The following ZRANB1 variants were observed in gnomAD, a reference collection of about 807,000 sequenced individuals.
ZRANB1 encodes the protein zinc finger RANBP2-type containing 1.
A neutral mutation model predicts 80.5 loss-of-function variants in ZRANB1; 16 were observed. The ratio of observed to expected loss-of-function variants is 0.20; its 90% CI spans 0.13 to 0.30. ZRANB1 has a LOEUF of 0.30. ZRANB1 is among the 10% of genes least tolerant of loss of function. The pLI, the probability that ZRANB1 is intolerant of heterozygous loss-of-function variation, is 1.00. For missense variants in ZRANB1, 576 were observed against 862.6 expected (o/e 0.67, Z 4.16); for synonymous variants, 291 against 293.1 (o/e 0.99, Z 0.07).
At chr10:124,966,899 C>T in intron 2 of ZRANB1, 118 bp downstream of exon 2, 1 of 944,954 alleles carries the variant, frequency 1.1e-6, no homozygotes, top group South Asian at 1.8e-5. Flanking sequence ...AATTCTTTTA[C>T]CCCCTTTTAA....
intron 8 of ZRANB1, 32 bp from the exon 9 acceptor site, chr10:124,984,742 A>G: frequency 1.2e-6 from 2 of 1,603,420 alleles, no homozygotes; most frequent in Non-Finnish European, 1.7e-6. Flanking sequence ...CTGTTGTATG[A>G]TTTTCCCTTT....
chr10:124,932,444 C>T, the ZRANB1 span, among the ~76,000 whole-genome samples: 5 of 152,188 alleles, frequency 3.3e-5, no homozygotes, highest in African/African-American at 9.6e-5. Flanking sequence ...TACCCGCCAC[C>T]GCACCTGGCT....
At chr10:124,954,933 T>C (rs1951676942) in intron 1 of ZRANB1, among the ~76,000 whole-genome samples, 1 of 149,694 alleles carries the variant, frequency 6.7e-6, no homozygotes, top group Non-Finnish European at 1.5e-5. Context: ...ATCGAGACCA[T>C]CCTGGCTAAC....
chr10:124,967,663 T>A (rs1391394196), intron 2 of ZRANB1, among the ~76,000 whole-genome samples: 3 of 151,914 alleles, frequency 2.0e-5, no homozygotes, highest in African/African-American at 7.3e-5. Context: ...GGCAGAAGGG[T>A]AGCCATAGAA....
the ZRANB1 span, among the ~76,000 whole-genome samples, chr10:124,923,116 G>A: frequency 2.0e-5 from 3 of 151,956 alleles, no homozygotes; most frequent in Non-Finnish European, 2.9e-5. Flanking sequence ...GTGAAACCTC[G>A]TCTCTACTAA....
intron 8 of ZRANB1, chr10:124,984,552 T>C (rs546193481): frequency 1.9e-6 from 1 of 534,608 alleles, no homozygotes; most frequent in South Asian, 2.9e-5. Context: ...TGCTCCTCTT[T>C]AGTTTTTTTC....
rs1183378406 is a variant in ZRANB1, at chr10:124,960,807, A to G, written c.815-5787A>G. Among the ~76,000 whole-genome samples the G allele has an allele frequency of 2.6e-5, 4 of 152,178 alleles. No homozygotes were observed. In the East Asian group the frequency reaches 7.7e-4, roughly 29 times the overall value. The stretch of plus-strand genomic sequence containing the variant: ...TTCAGTTTCTCTCGGCCTACCTGAG[A>G]TATAGTGTAATTATAAAAATCTAAA... On this transcript the variant is annotated intron_variant, in intron 1 of 8. Transcript: ENST00000359653.
rs375237034 is a variant in ZRANB1 at position 124,952,684 on chromosome 10, C to T, written c.814+9377C>T. On this transcript the variant is annotated intron_variant, in intron 1 of 8. Coordinates refer to ENST00000359653, the MANE Select transcript of ZRANB1 (RefSeq NM_017580.3). ...GGAGTGTAATGGCGTGGTCTTGGCT[C>T]ACTGCATCCTCTGCCTCCTGAGTTC... is the stretch of plus-strand genomic sequence containing the variant. Among the ~76,000 whole-genome samples, 5 of 151,848 alleles carry T rather than the reference C, an allele frequency of 3.3e-5. No individual in the cohort carries two copies. In the South Asian group the frequency reaches 1.0e-3, roughly 32 times the overall value.
chr10:124,975,168 G>T (rs950994079), intron 5 of ZRANB1, among the ~76,000 whole-genome samples: 1 of 152,006 alleles, frequency 6.6e-6, no homozygotes, highest in Non-Finnish European at 1.5e-5. Flanking sequence ...CCTTCCTGAG[G>T]GAGTCTTAAG....
At chr10:124,920,044 C>T in the ZRANB1 span, among the ~76,000 whole-genome samples, 1 of 149,492 alleles carries the variant, frequency 6.7e-6, no homozygotes, top group Non-Finnish European at 1.5e-5. Flanking sequence ...CTCAGTCTCT[C>T]GAGTAGCTGC....
At chr10:124,924,096 G>A in the ZRANB1 span, among the ~76,000 whole-genome samples, 4 of 151,140 alleles carry the variant, frequency 2.6e-5, no homozygotes, top group Non-Finnish European at 5.9e-5. Context: ...TTGAGATGGG[G>A]TCTTGGTACG....
At chr10:124,919,610 C>G in the ZRANB1 span, among the ~76,000 whole-genome samples, 1 of 148,934 alleles carries the variant, frequency 6.7e-6, no homozygotes. Flanking sequence ...CCTCCTCCTC[C>G]TCCTTTTTTT....
Position 124,983,700 on chromosome 10 carries a change from C to T in ZRANB1, c.1908+12C>T. The T allele has an allele frequency of 1.3e-6, 2 of 1,552,784 alleles. No homozygotes were observed. The highest frequency in any genetic ancestry group is 1.7e-6 in the Non-Finnish European group (2 of 1,144,392). On this transcript the variant is annotated intron_variant, in intron 8 of 8. Transcript: ENST00000359653. The surrounding 1 kb of genome is among the most constrained non-coding windows in gnomAD (Gnocchi z 6.2). The stretch of plus-strand genomic sequence containing the variant: ...TTTCTGCTCAGGAGGTAAGCAGTTT[C>T]TCCTATGAACTATTTCTAGTAGTGA...
intron 2 of ZRANB1, among the ~76,000 whole-genome samples, chr10:124,969,436 T>TA (rs1951802358): frequency 6.6e-6 from 1 of 152,020 alleles, no homozygotes; most frequent in Non-Finnish European, 1.5e-5. Flanking sequence ...AAGTCTAGAC[T>TA]AAGGGGGTGT....
chr10:124,983,645 G>A lies in ZRANB1; in HGVS notation c.1865G>A (p.Ser622Asn). The change falls in exon 8 of 9, where the codon AGT (serine) becomes AAT (asparagine). Residue 622 changes from serine to asparagine, a missense_variant. Ser to Asn is a conservative substitution (Grantham distance 46). This residue lies in a region of ZRANB1 where 152 missense variants were observed against 221.9 expected (regional missense o/e 0.69). Transcript: ENST00000359653. The surrounding 1 kb of genome is among the most constrained non-coding windows in gnomAD (Gnocchi z 6.2). ...ATCACATTTTTGCCTCTGGTTGACA[G>A]TGAAAGGAAGCTACTCCATGTGCAC... ...VTITFLPLVD[S>N]ERKLLHVHFL... 6.2e-7 allele frequency: 1 copy of A among 1,610,566 alleles called. No homozygotes were observed. The highest frequency in any genetic ancestry group is 8.5e-7 in the Non-Finnish European group (1 of 1,178,004).
intron 2 of ZRANB1, 149 bp downstream of exon 2, chr10:124,966,930 G>C (rs1951781943): frequency 2.8e-6 from 2 of 723,030 alleles, no homozygotes; most frequent in Non-Finnish European, 4.4e-6. Flanking sequence ...AAACTTAAGA[G>C]ACTTAATTTT....
intron 1 of ZRANB1, among the ~76,000 whole-genome samples, chr10:124,954,413 A>G (rs1951672330): frequency 6.6e-6 from 1 of 151,364 alleles, no homozygotes; most frequent in African/African-American, 2.4e-5. Context: ...CAACAACACA[A>G]AAATGGTTTG....
chr10:124,919,706 T>A, the ZRANB1 span, among the ~76,000 whole-genome samples: 143,038 of 148,456 alleles, frequency 0.96, 69,008 homozygotes, highest in Non-Finnish European at 0.99. Context: ...CCGCCTTCCG[T>A]GTTCACGCCA....
At chr10:124,926,942 G>A in the ZRANB1 span, among the ~76,000 whole-genome samples, 1 of 152,050 alleles carries the variant, frequency 6.6e-6, no homozygotes, top group Non-Finnish European at 1.5e-5. Context: ...GGTTATGCAG[G>A]CTATCACTGT....
Sources: allele counts gnomAD v4.1 joint callset (sites outside exome capture counted in the v4.1 genomes callset), GRCh38; gene constraint gnomAD v4.1.1; regional missense constraint gnomAD v4.1.1; non-coding constraint Gnocchi (gnomAD v3.1); transcripts MANE v1.5; gene names NCBI Gene and HGNC (gene_info 2026-07-23, HGNC 2026-07-21).